The following FBXO4 variants were observed in gnomAD, a reference collection of about 807,000 sequenced individuals.
FBXO4 encodes F-box protein 4.
A neutral mutation model predicts 43.7 loss-of-function variants in FBXO4; 36 were observed. The observed-to-expected ratio is 0.82, with a 90% CI of 0.63 to 1.09. The LOEUF (loss-of-function observed/expected upper bound fraction) is 1.09. FBXO4 is among the 50% of genes least tolerant of loss of function. The pLI is 0.00. For synonymous variants in FBXO4, 180 were observed against 165.6 expected, an observed-to-expected ratio of 1.09 and a Z score of -0.67; for missense variants, 435 against 474.1, an observed-to-expected ratio of 0.92 and a Z score of 0.77.
chr5:42,026,826 TC>T, the FBXO4 span, among the ~76,000 whole-genome samples: 1 of 151,944 alleles, frequency 6.6e-6, no homozygotes, highest in African/African-American at 2.4e-5. Context: ...TATCCTTCAT[TC>T]CGTTGATATG....
the FBXO4 span, among the ~76,000 whole-genome samples, chr5:42,025,607 T>A: frequency 6.6e-6 from 1 of 151,828 alleles, no homozygotes; most frequent in Non-Finnish European, 1.5e-5. Flanking sequence ...TAATCAAGAT[T>A]TTTTTTCCCA....
the FBXO4 span, among the ~76,000 whole-genome samples, chr5:41,997,197 A>G: frequency 6.6e-6 from 1 of 152,240 alleles, no homozygotes; most frequent in Non-Finnish European, 1.5e-5. Context: ...TAGCTCAAGC[A>G]ATGAAACCAT....
chr5:42,035,040 C>T, the FBXO4 span, among the ~76,000 whole-genome samples: 1 of 151,376 alleles, frequency 6.6e-6, no homozygotes, highest in South Asian at 2.1e-4. Context: ...CTTCCCATCC[C>T]TTTTTAGCTG....
chr5:41,956,586 C>T, the FBXO4 span, among the ~76,000 whole-genome samples: 1 of 151,892 alleles, frequency 6.6e-6, no homozygotes, highest in Non-Finnish European at 1.5e-5. Context: ...TATAGATTTA[C>T]AGACTAACAG....
chr5:42,007,743 A>G, the FBXO4 span, among the ~76,000 whole-genome samples: 1 of 152,150 alleles, frequency 6.6e-6, no homozygotes, highest in Non-Finnish European at 1.5e-5. Context: ...TTATTGCAAA[A>G]CTATAAAATA....
the FBXO4 span, among the ~76,000 whole-genome samples, chr5:42,032,841 G>A: frequency 6.6e-6 from 1 of 152,146 alleles, no homozygotes; most frequent in Non-Finnish European, 1.5e-5. Flanking sequence ...ACTGTGCTGA[G>A]TCTCACCTGA....
the FBXO4 span, among the ~76,000 whole-genome samples, chr5:42,029,065 C>T: frequency 6.6e-6 from 1 of 151,936 alleles, no homozygotes. Context: ...TTTCTTTTTG[C>T]TCATTACATT....
At chr5:41,983,350 T>C in the FBXO4 span, among the ~76,000 whole-genome samples, 3 of 152,176 alleles carry the variant, frequency 2.0e-5, no homozygotes, top group African/African-American at 7.2e-5. Context: ...TTTGCTAAAA[T>C]ATGAAGGAGG....
chr5:42,020,063 C>A, the FBXO4 span, among the ~76,000 whole-genome samples: 3 of 151,844 alleles, frequency 2.0e-5, no homozygotes, highest in Non-Finnish European at 1.5e-5. Context: ...CTAAATCCTG[C>A]CAAAATAAAA....
At chr5:42,024,404 T>C in the FBXO4 span, among the ~76,000 whole-genome samples, 1 of 152,046 alleles carries the variant, frequency 6.6e-6, no homozygotes, top group African/African-American at 2.4e-5. Context: ...TTTAAAATTT[T>C]ATATGTTCTT....
chr5:41,967,275 G>A, the FBXO4 span: 2 of 465,060 alleles, frequency 4.3e-6, no homozygotes, highest in Admixed American at 2.8e-5. Context: ...AGAAACTGGA[G>A]TGATATAACT....
chr5:41,956,391 GCAAATATATTTTATATC>G, the FBXO4 span, among the ~76,000 whole-genome samples: 1 of 152,154 alleles, frequency 6.6e-6, no homozygotes. Context: ...TGAAGATGCA[GCAAATATATTTTATATC>G]CAAATGAAAC....
the FBXO4 span, among the ~76,000 whole-genome samples, chr5:42,004,582 G>A: frequency 3.3e-5 from 5 of 152,114 alleles, no homozygotes; most frequent in Non-Finnish European, 5.9e-5. Flanking sequence ...AAATTATTTG[G>A]TTTTGAAAAG....
chr5:41,990,055 C>T, the FBXO4 span, among the ~76,000 whole-genome samples: 2 of 152,148 alleles, frequency 1.3e-5, no homozygotes, highest in East Asian at 1.9e-4. Flanking sequence ...TCCTTTAATT[C>T]GTACAATAAT....
At chr5:41,980,218 A>T in the FBXO4 span, among the ~76,000 whole-genome samples, 1 of 152,284 alleles carries the variant, frequency 6.6e-6, no homozygotes, top group East Asian at 1.9e-4. Context: ...ATTCATCAAG[A>T]CTTTTGACTG....
At chr5:42,023,450 T>A in the FBXO4 span, among the ~76,000 whole-genome samples, 1 of 152,116 alleles carries the variant, frequency 6.6e-6, no homozygotes, top group Non-Finnish European at 1.5e-5. Flanking sequence ...ACAATCCTAG[T>A]AGCTTTGTTC....
the FBXO4 span, among the ~76,000 whole-genome samples, chr5:42,033,979 C>A: frequency 6.6e-6 from 1 of 152,150 alleles, no homozygotes; most frequent in Admixed American, 6.5e-5. Flanking sequence ...TCATTACCAC[C>A]AATAGTGTAA....
the FBXO4 span, among the ~76,000 whole-genome samples, chr5:42,001,478 C>T: frequency 1.3e-5 from 2 of 152,090 alleles, no homozygotes; most frequent in Non-Finnish European, 2.9e-5. Context: ...GTGATCCACC[C>T]CTTTCGGCCT....
chr5:41,949,663 C>A, the FBXO4 span, among the ~76,000 whole-genome samples: 1 of 152,160 alleles, frequency 6.6e-6, no homozygotes, highest in Non-Finnish European at 1.5e-5. Flanking sequence ...AGATTCAATG[C>A]TATCCCAATC....
Sources: allele counts gnomAD v4.1 joint callset (sites outside exome capture counted in the v4.1 genomes callset), GRCh38; gene constraint gnomAD v4.1.1; transcripts MANE v1.5; gene names NCBI Gene and HGNC (gene_info 2026-07-23, HGNC 2026-07-21).